Variants in SGCZ observed in about 807,000 individuals in gnomAD.
The protein encoded by SGCZ is sarcoglycan zeta.
A neutral mutation model predicts 41.3 loss-of-function variants in SGCZ; 40 were observed. The observed-to-expected ratio is 0.97, with a 90% CI of 0.75 to 1.26. The LOEUF is 1.26. Among genes scored for constraint, SGCZ ranks in the 50% most tolerant of loss-of-function variants. The probability of loss-of-function intolerance (pLI) is 0.00; values close to 1 mark genes in which losing one functional copy is unlikely to be tolerated. For missense variants in SGCZ, 552 were observed against 369.8 expected, an observed-to-expected ratio of 1.49 and a Z score of -4.04; for synonymous variants, 206 against 137.5, an observed-to-expected ratio of 1.50 and a Z score of -3.49.
chr8:14,496,371 C>G (rs1002039565), intron 2 of SGCZ, among the ~76,000 whole-genome samples: 21 of 152,140 alleles, frequency 1.4e-4, no homozygotes, highest in Admixed American at 1.2e-3. Flanking sequence ...GCCTGGCCTC[C>G]TCTAGCATTT....
At chr8:14,916,420 A>G (rs1799440868) in intron 1 of SGCZ, among the ~76,000 whole-genome samples, 1 of 152,216 alleles carries the variant, frequency 6.6e-6, no homozygotes, top group Non-Finnish European at 1.5e-5. Context: ...AAAGAAGGGA[A>G]ATCGTTGAAA....
rs188382746 is a variant in SGCZ at position 14,960,515 on chromosome 8, C to G, written c.39+277070G>C. Among the ~76,000 whole-genome samples, 338 of 152,232 alleles carry G rather than the reference C, an allele frequency of 2.2e-3. 1 individual carries two copies. Among genetic ancestry groups the G allele is most frequent in the Non-Finnish European group, 3.3e-3 (224 of 68,010 alleles). ...AATCTCTGTTGTATGCCACTGCAAG[C>G]AGCTGAAGAACATAATCTTCATTTT... On this transcript the variant is annotated intron_variant, in intron 1 of 7. Coordinates refer to ENST00000382080, the MANE Select transcript of SGCZ (RefSeq NM_139167.4).
At chr8:14,390,125 G>T (rs1405494772) in intron 2 of SGCZ, among the ~76,000 whole-genome samples, 3 of 151,742 alleles carry the variant, frequency 2.0e-5, no homozygotes, top group Admixed American at 2.0e-4. Flanking sequence ...TCCATTCCCA[G>T]GACATCTATT....
chr8:15,084,921 G>T (rs1294027978), intron 1 of SGCZ, among the ~76,000 whole-genome samples: 3 of 152,070 alleles, frequency 2.0e-5, no homozygotes, highest in African/African-American at 7.2e-5. Flanking sequence ...CACACCAAAT[G>T]CCTCCCCTCT....
At chr8:14,608,095 C>G (rs1805810582) in intron 1 of SGCZ, among the ~76,000 whole-genome samples, 1 of 152,060 alleles carries the variant, frequency 6.6e-6, no homozygotes, top group Non-Finnish European at 1.5e-5. Context: ...TTGATGACTT[C>G]CAGCACAACA....
rs1202364877 is a variant in SGCZ, at chr8:14,647,534, T to C, written c.40-92608A>G. On this transcript the variant is annotated intron_variant, in intron 1 of 7. Coordinates refer to ENST00000382080, the MANE Select transcript of SGCZ (RefSeq NM_139167.4). ...TAAAGTCACCTTCTCCCTTTCTCTT[T>C]CTCTCTCCGCAATGGTACGAGCCTT... Among the ~76,000 whole-genome samples the C allele has an allele frequency of 1.3e-5, 2 of 151,994 alleles. 1 individual carries two copies. The highest frequency in any genetic ancestry group is 3.9e-4 in the East Asian group (2 of 5,168).
At chr8:14,443,692 T>G (rs1296683211) in intron 2 of SGCZ, among the ~76,000 whole-genome samples, 1 of 152,122 alleles carries the variant, frequency 6.6e-6, no homozygotes, top group African/African-American at 2.4e-5. Flanking sequence ...ACGTTAGACC[T>G]AAAACCATAA....
rs140306361 is a variant in SGCZ, at chr8:14,367,969, T to C, written c.235-43765A>G. Reference sequence around the variant, plus strand: ...CTGAAACTGATCTCACTTACAAATATAATAGGTGGTAGGGATGTTACTGGG... The same window carrying C: ...CTGAAACTGATCTCACTTACAAATACAATAGGTGGTAGGGATGTTACTGGG... On this transcript the variant is annotated intron_variant, in intron 2 of 7. Transcript: ENST00000382080. Among the ~76,000 whole-genome samples the C allele has an allele frequency of 1.7e-3, 252 of 152,216 alleles. 1 individual carries two copies. The highest frequency in any genetic ancestry group is 2.9e-3 in the Non-Finnish European group (196 of 67,984).
At chr8:15,213,958 C>T (rs1231968164) in intron 1 of SGCZ, among the ~76,000 whole-genome samples, 1 of 151,984 alleles carries the variant, frequency 6.6e-6, no homozygotes, top group Non-Finnish European at 1.5e-5. Flanking sequence ...CAGCTGTACT[C>T]TTTGACCTTG....
rs1320473100 is a variant in SGCZ at position 14,235,356 on chromosome 8, G to C, written c.424+2236C>G. Among the ~76,000 whole-genome samples the C allele has an allele frequency of 2.6e-5, 4 of 152,134 alleles. No individual in the cohort carries two copies. In the East Asian group the frequency reaches 7.7e-4, roughly 29 times the overall value. On this transcript the variant is annotated intron_variant, in intron 4 of 7. Transcript: ENST00000382080. ...TAGTTTTTAAGTGTAAGCCTCAGTA[G>C]AATAAATGCATTTCTCCGCACAACA... is the stretch of plus-strand genomic sequence containing the variant.
At chr8:15,090,476 C>A (rs1049380606) in intron 1 of SGCZ, among the ~76,000 whole-genome samples, 1 of 152,188 alleles carries the variant, frequency 6.6e-6, no homozygotes, top group Non-Finnish European at 1.5e-5. Context: ...CATGTCCAAT[C>A]AGGCTGCCCA....
At chr8:14,562,872 G>A (rs13266948) in intron 1 of SGCZ, among the ~76,000 whole-genome samples, 144,346 of 152,262 alleles carry the variant, frequency 0.95, 68,890 homozygotes, top group Non-Finnish European at 1. Flanking sequence ...AGCTGGGATC[G>A]AGAGAGAAGT....
chr8:14,963,182 C>T (rs1801017517), intron 1 of SGCZ, among the ~76,000 whole-genome samples: 2 of 152,146 alleles, frequency 1.3e-5, no homozygotes, highest in African/African-American at 4.8e-5. Flanking sequence ...CAGGTAACTA[C>T]ATCGAACACC....
intron 2 of SGCZ, among the ~76,000 whole-genome samples, chr8:14,363,478 G>A (rs1188762867): frequency 4.6e-5 from 7 of 152,158 alleles, no homozygotes; most frequent in African/African-American, 1.7e-4. Context: ...GCCCAAGACA[G>A]GAGGTGAGAA....
intron 1 of SGCZ, among the ~76,000 whole-genome samples, chr8:15,219,379 C>G (rs1801516577): frequency 1.3e-5 from 2 of 152,288 alleles, no homozygotes; most frequent in East Asian, 3.9e-4. Flanking sequence ...ATAATCCATA[C>G]ATGTTGATGT....
At chr8:14,869,093 C>T (rs1804046315) in intron 1 of SGCZ, among the ~76,000 whole-genome samples, 1 of 152,070 alleles carries the variant, frequency 6.6e-6, no homozygotes, top group African/African-American at 2.4e-5. Flanking sequence ...ATTTATGAGG[C>T]CAGCATCATT....
intron 1 of SGCZ, among the ~76,000 whole-genome samples, chr8:15,195,957 G>A (rs1195740185): frequency 4.8e-5 from 6 of 125,730 alleles, no homozygotes; most frequent in Admixed American, 3.2e-4. Context: ...GAGTGCAGTG[G>A]CGCGATCTTG....
intron 1 of SGCZ, among the ~76,000 whole-genome samples, chr8:14,583,681 A>T (rs961057192): frequency 1.3e-5 from 2 of 152,052 alleles, no homozygotes; most frequent in Non-Finnish European, 2.9e-5. Flanking sequence ...TCCACTCTTA[A>T]AAATTCGAGT....
chr8:14,244,718 C>G (rs936881773), intron 3 of SGCZ, among the ~76,000 whole-genome samples: 4 of 151,922 alleles, frequency 2.6e-5, no homozygotes, highest in Non-Finnish European at 5.9e-5. Context: ...ATTCTTCCTA[C>G]CCATGAGCAT....
Sources: gnomAD v4.1 joint callset for allele counts (sites outside exome capture counted in the v4.1 genomes callset) on GRCh38, gnomAD v4.1.1 for gene constraint, MANE v1.5 for transcripts, NCBI Gene and HGNC (gene_info 2026-07-23, HGNC 2026-07-21) for gene names.